The following GRIA3 variants were observed in gnomAD, a reference collection of about 807,000 sequenced individuals.
GRIA3 encodes the protein glutamate ionotropic receptor AMPA type subunit 3, also known as glutamate receptor 3.
In GRIA3, 3 loss-of-function variants were observed where a neutral mutation model predicts 63.0. That is an observed-to-expected ratio of 0.05 (90% confidence interval 0.02 to 0.12). The LOEUF (loss-of-function observed/expected upper bound fraction) is 0.12, where lower values mean the gene tolerates loss of function less well. Among genes scored for constraint, GRIA3 ranks in the 10% least tolerant of loss-of-function variants. The pLI is 1.00. For synonymous variants in GRIA3, 274 were observed against 257.9 expected (o/e 1.06, Z -0.60); for missense variants, 347 against 700.9 (o/e 0.50, Z 5.70).
intron 5 of GRIA3, among the ~76,000 whole-genome samples, chrX:123,366,649 T>C (rs1169083409): frequency 8.9e-6 from 1 of 112,036 alleles, no homozygotes; most frequent in South Asian, 3.7e-4. Context: ...GCCAAATTAT[T>C]CCAAGTAAAC....
chrX:123,460,810 G>A (rs1329206042), intron 12 of GRIA3, among the ~76,000 whole-genome samples: 2 of 111,461 alleles, frequency 1.8e-5, no homozygotes, highest in Non-Finnish European at 3.8e-5. Context: ...CTGAAATAAA[G>A]TCCTTGACAA....
At chrX:123,199,409 T>C (rs1370290864) in intron 2 of GRIA3, among the ~76,000 whole-genome samples, 1 of 108,260 alleles carries the variant, frequency 9.2e-6, no homozygotes, top group African/African-American at 3.4e-5. Context: ...AGTGTACCCA[T>C]AATCCATGAG....
intron 2 of GRIA3, among the ~76,000 whole-genome samples, chrX:123,243,707 G>A (rs1569406020): frequency 8.9e-6 from 1 of 112,065 alleles, no homozygotes; most frequent in Non-Finnish European, 1.9e-5. Flanking sequence ...GCCAGTACTA[G>A]ACTGTAAGCA....
chrX:123,444,946 G>A (rs1480529929), intron 12 of GRIA3, among the ~76,000 whole-genome samples: 1 of 111,029 alleles, frequency 9.0e-6, no homozygotes, highest in African/African-American at 3.3e-5. Context: ...ACAGGCACCG[G>A]GGTGGCGATA....
At chrX:123,418,723 T>C (rs2045548938) in intron 11 of GRIA3, among the ~76,000 whole-genome samples, 1 of 112,266 alleles carries the variant, frequency 8.9e-6, no homozygotes. Flanking sequence ...TCCTCTAGAA[T>C]GGCTGCAATC....
intron 10 of GRIA3, among the ~76,000 whole-genome samples, chrX:123,415,685 C>A (rs190369105): frequency 1.3e-3 from 146 of 111,605 alleles, no homozygotes; most frequent in African/African-American, 4.4e-3. Flanking sequence ...TGGTGGTGAG[C>A]CTCCAAGGTA....
chrX:123,284,318 T>C (rs2044604654), intron 3 of GRIA3, among the ~76,000 whole-genome samples: 1 of 111,418 alleles, frequency 9.0e-6, no homozygotes, highest in African/African-American at 3.3e-5. Flanking sequence ...GGCTGAAAAT[T>C]CCAAAAACCA....
chrX:123,415,639 T>C (rs1014677646), intron 10 of GRIA3, among the ~76,000 whole-genome samples: 24 of 111,639 alleles, frequency 2.1e-4, no homozygotes, highest in Non-Finnish European at 1.9e-4. Context: ...TTTGGGGGGA[T>C]AGATGGGTTA....
intron 5 of GRIA3, among the ~76,000 whole-genome samples, chrX:123,394,501 A>T (rs1266288499): frequency 1.8e-5 from 2 of 112,429 alleles, no homozygotes; most frequent in Non-Finnish European, 3.8e-5. Context: ...GCATTTCTGT[A>T]AATCACAAAT....
chrX:123,471,990 C>CATATATAT (rs760824587), intron 13 of GRIA3, among the ~76,000 whole-genome samples: 1,909 of 13,383 alleles, frequency 0.14, 434 homozygotes, highest in Middle Eastern at 0.33. Flanking sequence ...CAATGGCATT[C>CATATATAT]ATATATATAT....
At chrX:123,390,774 A>G (rs1260300093) in intron 5 of GRIA3, among the ~76,000 whole-genome samples, 2 of 111,706 alleles carry the variant, frequency 1.8e-5, no homozygotes, top group African/African-American at 6.5e-5. Context: ...AAAAATTCAC[A>G]TTATTGGATC....
intron 2 of GRIA3, among the ~76,000 whole-genome samples, chrX:123,196,679 G>A (rs1046071711): frequency 4.5e-5 from 5 of 111,471 alleles, no homozygotes; most frequent in Admixed American, 9.6e-5. Flanking sequence ...AGATGCTTAT[G>A]TTTTCTTTAT....
intron 3 of GRIA3, among the ~76,000 whole-genome samples, chrX:123,279,130 C>T (rs1302701199): frequency 9.0e-6 from 1 of 111,245 alleles, no homozygotes; most frequent in East Asian, 2.8e-4. Flanking sequence ...ACACACACTG[C>T]ATGATCTCAG....
chrX:123,429,907 A>G lies in GRIA3; in HGVS notation c.2076+1768A>G, dbSNP rs73229297. Among the ~76,000 whole-genome samples the G allele has an allele frequency of 4.4e-3, 495 of 112,123 alleles. 2 individuals carry two copies. Among genetic ancestry groups the G allele is most frequent in the Non-Finnish European group, 7.1e-3 (377 of 53,208 alleles). Reference sequence around the variant, plus strand: ...TAATCAATAAACGGCATCAATTCCCATTAGGCTTTCAAAGGCCATTCATCC... The same window carrying G: ...TAATCAATAAACGGCATCAATTCCCGTTAGGCTTTCAAAGGCCATTCATCC... On this transcript the variant is annotated intron_variant, in intron 12 of 15. Transcript: ENST00000620443.
rs2045406591 is a variant in GRIA3, at chrX:123,395,081, G to T, written c.864G>T (p.Val288=). 8.3e-7 allele frequency: 1 copy of T among 1,205,657 alleles called. No homozygotes were observed. The highest frequency in any genetic ancestry group is 1.8e-5 in the African/African-American group (1 of 57,126). ...PMVQQFIQRW[V]RLDEREFPEA... The stretch of plus-strand genomic sequence containing the variant: ...TTCAGCAGTTCATACAGCGCTGGGT[G>T]AGGCTGGATGAAAGGGAATTCCCTG... The change falls in exon 6 of 16, where the codon GTG becomes GTT. Residue 288 remains valine (V), a synonymous_variant. Coordinates refer to ENST00000620443, the MANE Select transcript of GRIA3 (RefSeq NM_007325.5).
At chrX:123,211,091 T>G (rs1165318868) in intron 2 of GRIA3, among the ~76,000 whole-genome samples, 1 of 112,028 alleles carries the variant, frequency 8.9e-6, no homozygotes, top group Non-Finnish European at 1.9e-5. Context: ...AGCTTAATAC[T>G]GAATTCATAT....
At chrX:123,436,831 C>G (rs1261282907) in intron 12 of GRIA3, among the ~76,000 whole-genome samples, 1 of 111,104 alleles carries the variant, frequency 9.0e-6, no homozygotes, top group Non-Finnish European at 1.9e-5. Flanking sequence ...CTGACACAGT[C>G]AAATCATCTA....
chrX:123,278,929 A>C (rs1421621476), intron 3 of GRIA3, among the ~76,000 whole-genome samples: 1 of 111,574 alleles, frequency 9.0e-6, no homozygotes, highest in Non-Finnish European at 1.9e-5. Context: ...GTTCCATATA[A>C]ATTTTAGCAT....
chrX:123,425,594 T>C (rs2045585265), intron 11 of GRIA3, among the ~76,000 whole-genome samples: 1 of 112,225 alleles, frequency 8.9e-6, no homozygotes, highest in African/African-American at 3.2e-5. Context: ...AAATGCATAA[T>C]CAAAACACCC....
Sources: gnomAD v4.1 joint callset for allele counts (sites outside exome capture counted in the v4.1 genomes callset) on GRCh38, gnomAD v4.1.1 for gene constraint, MANE v1.5 for transcripts, NCBI Gene and HGNC (gene_info 2026-07-23, HGNC 2026-07-21) for gene names.